HERC5: variants seen among roughly 807,000 people sequenced by gnomAD.
HERC5 encodes the protein HECT and RLD domain containing E3 ubiquitin protein ligase 5.
A neutral mutation model predicts 119.6 loss-of-function variants in HERC5; 99 were observed. That is an observed-to-expected ratio of 0.83 (90% CI 0.70 to 0.98). The LOEUF is 0.98. Among genes scored for constraint, HERC5 ranks in the 50% least tolerant of loss-of-function variants. The pLI is 0.00. For synonymous variants in HERC5, 478 were observed against 445.9 expected, an observed-to-expected ratio of 1.07 and a Z score of -0.91; for missense variants, 1,267 against 1,241.3, an observed-to-expected ratio of 1.02 and a Z score of -0.31.
At chr4:88,486,281 G>C in intron 14 of HERC5, 53 bp downstream of exon 14, 1 of 1,089,070 alleles carries the variant, frequency 9.2e-7, no homozygotes, top group Non-Finnish European at 1.4e-6. Context: ...GTTAATACAG[G>C]CATTTCTTGT....
chr4:88,492,720 T>C (rs1044315685), intron 16 of HERC5, among the ~76,000 whole-genome samples: 1 of 152,070 alleles, frequency 6.6e-6, no homozygotes, highest in East Asian at 1.9e-4. Context: ...CACTCCAGCC[T>C]AGACAACAGA....
At chr4:88,489,102 A>C (rs1741554290) in intron 15 of HERC5, 64 bp from the exon 16 acceptor site, 2 of 1,445,062 alleles carry the variant, frequency 1.4e-6, no homozygotes, top group Non-Finnish European at 1.9e-6. Context: ...CTGCTTTCCA[A>C]ATTTTTACTT....
chr4:88,495,959 C>CA (rs1741784126), intron 18 of HERC5, among the ~76,000 whole-genome samples: 1 of 152,136 alleles, frequency 6.6e-6, no homozygotes, highest in East Asian at 1.9e-4. Flanking sequence ...ATATTGAGGA[C>CA]TCCAAAGCGC....
intron 12 of HERC5, 51 bp downstream of exon 12, chr4:88,476,081 A>G (rs987722657): frequency 3.4e-6 from 5 of 1,456,178 alleles, no homozygotes; most frequent in Non-Finnish European, 4.7e-6. Flanking sequence ...GTGGAAAGAC[A>G]TGTCTAGTAA....
At chr4:88,504,059 T>A (rs1001476291) in intron 20 of HERC5, among the ~76,000 whole-genome samples, 173 bp from the exon 21 acceptor site, 2 of 148,230 alleles carry the variant, frequency 1.3e-5, no homozygotes, top group Non-Finnish European at 3.0e-5. Context: ...AGTGCGAGAC[T>A]CCGTCTCAAA....
At position 88,493,136 on chromosome 4, in the gene HERC5, G is replaced by A; in HGVS notation, c.2258G>A (p.Cys753Tyr). The A allele has an allele frequency of 6.2e-7, 1 of 1,613,694 alleles. No homozygotes were observed. The highest frequency in any genetic ancestry group is 8.5e-7 in the Non-Finnish European group (1 of 1,179,798). ...TTCATGTATCCTGAAGGGGCTTCCT[G>A]CATGTGGTTTCCTGTCAAGGTAAGT... ...GMFMYPEGASCMWFPVKPKFE... is the reference protein window; with the variant it reads ...GMFMYPEGASYMWFPVKPKFE... Residue 753 changes from cysteine (C) to tyrosine (Y), a missense_variant, in exon 17 of 23, where the codon TGC becomes TAC. This residue lies in a region of HERC5 where 473 missense variants were observed against 445.7 expected (regional missense o/e 1.06). Coordinates refer to ENST00000264350, the MANE Select transcript of HERC5 (RefSeq NM_016323.4).
chr4:88,489,437 C>A, intron 16 of HERC5, 101 bp downstream of exon 16: 3 of 1,142,966 alleles, frequency 2.6e-6, no homozygotes, highest in Non-Finnish European at 3.7e-6. Context: ...CTTCCTTTGC[C>A]ACAGAGGTTG....
At chr4:88,489,995 C>T (rs995937754) in intron 16 of HERC5, among the ~76,000 whole-genome samples, 1 of 151,934 alleles carries the variant, frequency 6.6e-6, no homozygotes, top group Non-Finnish European at 1.5e-5. Flanking sequence ...GGTGACGGAG[C>T]GAGACTCTGT....
chr4:88,502,147 T>A (rs1741967208), intron 20 of HERC5, among the ~76,000 whole-genome samples: 3 of 152,126 alleles, frequency 2.0e-5, no homozygotes, highest in Non-Finnish European at 4.4e-5. Flanking sequence ...TTTGGACTAT[T>A]ATGAATAATG....
chr4:88,486,058 A>G (rs1047952439), intron 13 of HERC5, 57 bp from the exon 14 acceptor site: 2 of 979,400 alleles, frequency 2.0e-6, no homozygotes, highest in East Asian at 2.5e-5. Flanking sequence ...ATTAACAGCT[A>G]TTAAGCAAAA....
chr4:88,500,040 C>T (rs1741903526), intron 19 of HERC5, 48 bp downstream of exon 19: 4 of 1,131,648 alleles, frequency 3.5e-6, no homozygotes, highest in South Asian at 1.3e-5. Flanking sequence ...ATCTGATTAA[C>T]CCTTTACATA....
At chr4:88,474,413 G>A (rs1369886121) in intron 11 of HERC5, among the ~76,000 whole-genome samples, 1 of 152,268 alleles carries the variant, frequency 6.6e-6, no homozygotes, top group Non-Finnish European at 1.5e-5. Flanking sequence ...GGACTGGCTC[G>A]AGGGTATCAC....
At chr4:88,492,943 T>TA in intron 16 of HERC5, 69 bp from the exon 17 acceptor site, 1 of 1,459,094 alleles carries the variant, frequency 6.9e-7, no homozygotes, top group Admixed American at 1.9e-5. Flanking sequence ...TTTACTATTA[T>TA]TAAATGAGAC....
chr4:88,505,879 C>G lies in HERC5; in HGVS notation c.*1C>G, dbSNP rs1216375426. The G allele has an allele frequency of 2.5e-6, 4 of 1,602,310 alleles. No homozygotes were observed. The highest frequency in any genetic ancestry group is 3.4e-6 in the Non-Finnish European group (4 of 1,174,032). On this transcript the variant is annotated 3_prime_UTR_variant, in exon 23 of 23. Transcript: ENST00000264350. ...CAACAACAACAGAGGATTTGGCTGA[C>G]CAGCTTGCTTGTCCAACAGCCTTAT...
rs552708770 is a variant in HERC5 at position 88,459,783 on chromosome 4, A to T, written c.390-312A>T. Reference sequence around the variant, plus strand: ...TAAAAGTTTTTAACCTAGAAAAAATACACATTATCATGAAATAATTTGTGA... The same window carrying T: ...TAAAAGTTTTTAACCTAGAAAAAATTCACATTATCATGAAATAATTTGTGA... On this transcript the variant is annotated intron_variant, in intron 2 of 22. Coordinates refer to ENST00000264350, the MANE Select transcript of HERC5 (RefSeq NM_016323.4). 4.6e-5 allele frequency among the ~76,000 whole-genome samples: 7 copies of T among 152,332 alleles called. No homozygotes were observed. In the East Asian group the frequency reaches 1.3e-3, roughly 29 times the overall value.
At position 88,457,393 on chromosome 4, in the gene HERC5, C is replaced by T; in HGVS notation, c.124C>T (p.Leu42Phe). 1 of 1,400,734 alleles carries T rather than the reference C, an allele frequency of 7.1e-7. No homozygotes were observed. Among genetic ancestry groups the T allele is most frequent in the Non-Finnish European group, 9.3e-7 (1 of 1,079,192 alleles). The allele number at this position is 1,400,734 out of a possible 1,614,324, so 86.8% of individuals were successfully genotyped here. ...CTGGCTCTTTCCCAGCGCCGCGGGC[C>T]TCCACCGCGCGCTGCTCCGGAGGGT... The part of the protein sequence containing the change: ...QLWLFPSAAG[L>F]HRALLRRVEV... The change falls in exon 1 of 23, where the codon CTC becomes TTC. Residue 42 changes from leucine to phenylalanine, a missense_variant. Leu to Phe is a conservative substitution (Grantham distance 22, BLOSUM62 0). Transcript: ENST00000264350.
chr4:88,488,811 C>T (rs1164845010), intron 15 of HERC5, among the ~76,000 whole-genome samples: 3 of 152,066 alleles, frequency 2.0e-5, no homozygotes, highest in Non-Finnish European at 4.4e-5. Context: ...TTGCAGTGCA[C>T]TGTTTCAGTG....
intron 20 of HERC5, among the ~76,000 whole-genome samples, chr4:88,502,356 A>G (rs1350603512): frequency 3.9e-5 from 6 of 152,212 alleles, no homozygotes; most frequent in African/African-American, 1.4e-4. Context: ...TGTTTAGTAC[A>G]TAATGGGGCT....
At chr4:88,499,540 G>A (rs543213908) in intron 18 of HERC5, among the ~76,000 whole-genome samples, 10 of 152,314 alleles carry the variant, frequency 6.6e-5, no homozygotes, top group African/African-American at 2.4e-4. Flanking sequence ...ACTGATACCT[G>A]AAATTTAATA....
Sources: allele counts gnomAD v4.1 joint callset (sites outside exome capture counted in the v4.1 genomes callset), GRCh38; gene constraint gnomAD v4.1.1; regional missense constraint gnomAD v4.1.1; transcripts MANE v1.5; gene names NCBI Gene and HGNC (gene_info 2026-07-23, HGNC 2026-07-21).